GLRA1: variants seen among roughly 807,000 people sequenced by gnomAD.
GLRA1 encodes glycine receptor subunit alpha-1.
Under a neutral mutation model 48.3 loss-of-function variants are expected in GLRA1, and 37 were observed. The observed-to-expected ratio is 0.77, with a 90% CI of 0.59 to 1.01. The LOEUF (loss-of-function observed/expected upper bound fraction) is 1.01, where lower values mean the gene tolerates loss of function less well. Ranked by LOEUF, GLRA1 falls within the 50% of genes least tolerant of loss-of-function variation. The pLI is 0.00. For synonymous variants in GLRA1, 196 were observed against 210.7 expected, an observed-to-expected ratio of 0.93 and a Z score of 0.60; for missense variants, 427 against 571.0, an observed-to-expected ratio of 0.75 and a Z score of 2.57.
At chr5:151,863,727 G>C (rs1440757890) in intron 3 of GLRA1, among the ~76,000 whole-genome samples, 1 of 152,140 alleles carries the variant, frequency 6.6e-6, no homozygotes, top group East Asian at 1.9e-4. Flanking sequence ...TTGGAATGCT[G>C]CTTATAAATC....
intron 3 of GLRA1, among the ~76,000 whole-genome samples, chr5:151,873,806 C>G (rs1753555122): frequency 6.6e-6 from 1 of 152,098 alleles, no homozygotes; most frequent in African/African-American, 2.4e-5. Flanking sequence ...CAGGCTGGGT[C>G]TATTTCTTTT....
intron 1 of GLRA1, among the ~76,000 whole-genome samples, chr5:151,902,857 A>C (rs753934612): frequency 8.5e-5 from 13 of 152,242 alleles, no homozygotes; most frequent in Non-Finnish European, 1.8e-4. Flanking sequence ...AGTGAGGTCC[A>C]TAGAGATTAA....
At chr5:151,835,279 T>C (rs953824922) in intron 7 of GLRA1, among the ~76,000 whole-genome samples, 6 of 152,010 alleles carry the variant, frequency 3.9e-5, no homozygotes, top group African/African-American at 7.3e-5. Context: ...ACACAGTAAT[T>C]AATAACCTAC....
intron 1 of GLRA1, among the ~76,000 whole-genome samples, chr5:151,909,287 G>T (rs1025322247): frequency 3.3e-5 from 5 of 152,180 alleles, no homozygotes; most frequent in African/African-American, 1.2e-4. Flanking sequence ...CCTGATCTCA[G>T]CTGTGCTCTG....
intron 1 of GLRA1, among the ~76,000 whole-genome samples, chr5:151,901,349 G>A (rs1163873119): frequency 6.6e-6 from 1 of 152,122 alleles, no homozygotes; most frequent in Non-Finnish European, 1.5e-5. Context: ...AAGAATGCTT[G>A]GCTTAAGCAT....
At chr5:151,914,082 G>A (rs2113456747) in intron 1 of GLRA1, among the ~76,000 whole-genome samples, 1 of 152,210 alleles carries the variant, frequency 6.6e-6, no homozygotes, top group South Asian at 2.1e-4. Context: ...CAAAATAAAG[G>A]AAAACAAAAT....
chr5:151,889,894 C>G (rs1300832824), intron 2 of GLRA1, among the ~76,000 whole-genome samples: 1 of 151,832 alleles, frequency 6.6e-6, no homozygotes, highest in East Asian at 1.9e-4. Context: ...GGAAGCTGCA[C>G]CTCATTCTCA....
intron 7 of GLRA1, among the ~76,000 whole-genome samples, chr5:151,838,864 A>T (rs551698514): frequency 6.6e-6 from 1 of 152,370 alleles, no homozygotes; most frequent in Non-Finnish European, 1.5e-5. Context: ...TCAAAATGTC[A>T]GAAGACAAAG....
chr5:151,823,065 C>T, intron 8 of GLRA1, 102 bp from the exon 9 acceptor site: 1 of 1,060,848 alleles, frequency 9.4e-7, no homozygotes, highest in Non-Finnish European at 1.3e-6. Context: ...CTATCTGGTT[C>T]TCCCTGCTTT....
intron 4 of GLRA1, among the ~76,000 whole-genome samples, chr5:151,856,983 G>A (rs561643498): frequency 6.6e-6 from 1 of 152,374 alleles, no homozygotes; most frequent in African/African-American, 2.4e-5. Context: ...GCTGCTTTGG[G>A]GACCTGCAGG....
intron 1 of GLRA1, among the ~76,000 whole-genome samples, chr5:151,918,904 ATGAATCTATGAATT>A (rs1754802096): frequency 6.6e-6 from 1 of 152,200 alleles, no homozygotes; most frequent in Admixed American, 6.5e-5. Flanking sequence ...AAAAAAATCT[ATGAATCTATGAATT>A]TACTCTGATT....
intron 8 of GLRA1, among the ~76,000 whole-genome samples, 174 bp downstream of exon 8, chr5:151,828,747 G>A (rs553346754): frequency 6.6e-6 from 1 of 152,256 alleles, no homozygotes; most frequent in South Asian, 2.1e-4. Flanking sequence ...CCCACCTAGG[G>A]CATTATTTAT....
chr5:151,898,518 C>T (rs1754279354), intron 1 of GLRA1, among the ~76,000 whole-genome samples: 1 of 152,130 alleles, frequency 6.6e-6, no homozygotes, highest in South Asian at 2.1e-4. Flanking sequence ...GGCACCACAC[C>T]CCCAAGAACC....
intron 1 of GLRA1, among the ~76,000 whole-genome samples, chr5:151,900,965 A>G (rs954170235): frequency 5.3e-5 from 8 of 152,202 alleles, no homozygotes; most frequent in Non-Finnish European, 7.3e-5. Flanking sequence ...GAGGAAGCTT[A>G]ATTTAGCTGT....
In GLRA1 at chr5:151,846,634, TA is replaced by T. The variant is rs1174783141; in HGVS notation, c.912+4755del. On this transcript the variant is annotated intron_variant, in intron 7 of 8. Coordinates refer to ENST00000274576, the MANE Select transcript of GLRA1 (RefSeq NM_000171.4). Reference sequence around the variant, plus strand: ...TGAAACAGAATGTTGTGTCTCACGTTAAAAGTTAATGGAATAGTCAGTGTCA... The same window carrying T: ...TGAAACAGAATGTTGTGTCTCACGTTAAAGTTAATGGAATAGTCAGTGTCA... Among the ~76,000 whole-genome samples the T allele has an allele frequency of 3.9e-5, 6 of 152,166 alleles. No homozygotes were observed. In the East Asian group the frequency reaches 1.2e-3, roughly 29 times the overall value.
At chr5:151,907,190 C>CG in intron 1 of GLRA1, among the ~76,000 whole-genome samples, 1 of 151,156 alleles carries the variant, frequency 6.6e-6, no homozygotes, top group Non-Finnish European at 1.5e-5. Context: ...AGAAGACTTA[C>CG]AAAAAAAAAT....
chr5:151,885,652 G>A (rs893436146), intron 3 of GLRA1, among the ~76,000 whole-genome samples: 1 of 152,190 alleles, frequency 6.6e-6, no homozygotes, highest in Non-Finnish European at 1.5e-5. Flanking sequence ...AGCGAGAGAC[G>A]ACCTGGCTGG....
At chr5:151,901,872 T>C (rs1280715701) in intron 1 of GLRA1, among the ~76,000 whole-genome samples, 1 of 152,206 alleles carries the variant, frequency 6.6e-6, no homozygotes, top group African/African-American at 2.4e-5. Flanking sequence ...GCTGACACTT[T>C]CATTTTCAGA....
At chr5:151,826,215 C>T (rs903028318) in intron 8 of GLRA1, among the ~76,000 whole-genome samples, 1 of 152,130 alleles carries the variant, frequency 6.6e-6, no homozygotes, top group African/African-American at 2.4e-5. Flanking sequence ...TTCAGTGTGG[C>T]TGGATGCTGT....
Sources: gnomAD v4.1 joint callset for allele counts (sites outside exome capture counted in the v4.1 genomes callset) on GRCh38, gnomAD v4.1.1 for gene constraint, MANE v1.5 for transcripts, NCBI Gene and HGNC (gene_info 2026-07-23, HGNC 2026-07-21) for gene names.